PLAGL1: variants seen among roughly 807,000 people sequenced by gnomAD.
PLAGL1 encodes PLAG1 like zinc finger 1, also known as zinc finger protein PLAGL1.
A neutral mutation model predicts 4.6 loss-of-function variants in PLAGL1; 1 was observed. The observed-to-expected ratio is 0.22, with a 90% CI of 0.08 to 1.03. The LOEUF is 1.03. PLAGL1 is among the 50% of genes least tolerant of loss of function. The pLI, the probability that PLAGL1 is intolerant of heterozygous loss-of-function variation, is 0.58. For synonymous variants in PLAGL1, 240 were observed against 237.8 expected, an observed-to-expected ratio of 1.01 and a Z score of -0.08; for missense variants, 464 against 570.4, an observed-to-expected ratio of 0.81 and a Z score of 1.90.
chr6:143,949,085 A>G lies in PLAGL1; in HGVS notation c.-324-625T>C, dbSNP rs1780455308. On this transcript the variant is annotated intron_variant, in intron 6 of 7. Coordinates refer to ENST00000674357, the MANE Select transcript of PLAGL1 (RefSeq NM_001317162.2). This position sits in a 1 kb window ranked among gnomAD's most constrained non-coding sequence, Gnocchi z 5.3. ...GCACAAAGCTGATAGCTCAGGAACC[A>G]GCCCAGGCCACGTTCAGATTTGTAG... Among the ~76,000 whole-genome samples the G allele has an allele frequency of 6.6e-6, 1 of 152,250 alleles. No homozygotes were observed. The highest frequency in any genetic ancestry group is 6.5e-5 in the Admixed American group (1 of 15,288).
At chr6:144,052,200 T>C (rs1036540623) in intron 1 of PLAGL1, among the ~76,000 whole-genome samples, 4 of 152,180 alleles carry the variant, frequency 2.6e-5, no homozygotes, top group African/African-American at 9.7e-5. Flanking sequence ...ACAGATAGTA[T>C]ATATGTCCTT....
rs1045540946 is a variant in PLAGL1, at chr6:144,056,444, A to G, written c.-151+8024T>C. On this transcript the variant is annotated intron_variant, in intron 1 of 3. Transcript: ENST00000437412. This position sits in a 1 kb window ranked among gnomAD's most constrained non-coding sequence, Gnocchi z 4.7. ...TATCTACTAATATAGTGCCATACAG[A>G]GTAGTGTCACTGCTCTAAACAAAAC... 7.9e-5 allele frequency among the ~76,000 whole-genome samples: 12 copies of G among 152,194 alleles called. No individual in the cohort carries two copies. The highest frequency in any genetic ancestry group is 5.2e-4 in the Admixed American group (8 of 15,290).
At chr6:144,023,159 T>C (rs1796092346) in intron 1 of PLAGL1, among the ~76,000 whole-genome samples, 1 of 152,180 alleles carries the variant, frequency 6.6e-6, no homozygotes, top group Non-Finnish European at 1.5e-5. Flanking sequence ...TATGATTCCA[T>C]TCACATAATA....
chr6:144,006,842 T>C lies in PLAGL1; in HGVS notation c.-584+1248A>G, dbSNP rs866754280. 2 of 152,174 alleles carry C rather than the reference T, an allele frequency of 1.3e-5. No homozygotes were observed. Among genetic ancestry groups the C allele is most frequent in the African/African-American group, 2.4e-5 (1 of 41,432 alleles). The allele number at this position is 152,174 out of a possible 1,614,324, so 9.4% of individuals were successfully genotyped here. On this transcript the variant is annotated intron_variant, in intron 1 of 7. Coordinates refer to ENST00000674357, the MANE Select transcript of PLAGL1 (RefSeq NM_001317162.2). The surrounding 1 kb of genome is among the most constrained non-coding windows in gnomAD (Gnocchi z 4.3). ...TCATACTAAGGAATGACGTTTTACA[T>C]CATGACACACATTTGTGTATGTATG...
rs1280449415 is a variant in PLAGL1 at position 144,004,732 on chromosome 6, CAT to C, written c.-584+3356_-584+3357del. The stretch of plus-strand genomic sequence containing the variant: ...GTACATAAATTATAGAACTAAAAAA[CAT>C]ATGTAGAATTCAACATGGATAAAAA... On this transcript the variant is annotated intron_variant, in intron 1 of 7. Transcript: ENST00000674357. This position sits in a 1 kb window ranked among gnomAD's most constrained non-coding sequence, Gnocchi z 4.2. Among the ~76,000 whole-genome samples the C allele has an allele frequency of 1.3e-5, 2 of 151,922 alleles. No homozygotes were observed. Among genetic ancestry groups the C allele is most frequent in the East Asian group, 1.9e-4 (1 of 5,194 alleles).
rs1797047381 is a variant in PLAGL1 at position 144,034,217 on chromosome 6, G to A, written c.-151+30251C>T. Among the ~76,000 whole-genome samples, 1 of 152,098 alleles carries A rather than the reference G, an allele frequency of 6.6e-6. No individual in the cohort carries two copies. The highest frequency in any genetic ancestry group is 2.4e-5 in the African/African-American group (1 of 41,410). On this transcript the variant is annotated intron_variant, in intron 1 of 3. Coordinates refer to the PLAGL1 transcript ENST00000437412. The surrounding 1 kb of genome is among the most constrained non-coding windows in gnomAD (Gnocchi z 4.7). ...TTAGCGAACCCCAGCCTCCCTCCTGGGGTGCCTCATTCCAGGGCTCTTCCA... is the reference window on the plus strand; with the variant it reads ...TTAGCGAACCCCAGCCTCCCTCCTGAGGTGCCTCATTCCAGGGCTCTTCCA...
At chr6:143,951,347 A>ACACATT (rs1781040372) in intron 6 of PLAGL1, among the ~76,000 whole-genome samples, 1 of 152,194 alleles carries the variant, frequency 6.6e-6, no homozygotes, top group Non-Finnish European at 1.5e-5. Flanking sequence ...TGGGAAAGAG[A>ACACATT]CACATTCTCT....
In PLAGL1 at chr6:144,027,036, A is replaced by AC. The variant is rs1796389186; in HGVS notation, c.-151+37431dup. On this transcript the variant is annotated intron_variant, in intron 1 of 3. Transcript: ENST00000437412. The surrounding 1 kb of genome is among the most constrained non-coding windows in gnomAD (Gnocchi z 5.8). ...AGACCAGTGTGGGTAAAAAAGTAAG[A>AC]CCCCACCCCCCGACTCTACAAAAAC... Among the ~76,000 whole-genome samples the AC allele has an allele frequency of 6.6e-6, 1 of 151,132 alleles. No homozygotes were observed. The highest frequency in any genetic ancestry group is 2.1e-4 in the South Asian group (1 of 4,784).
intron 1 of PLAGL1, among the ~76,000 whole-genome samples, chr6:144,025,320 A>C (rs1443605873): frequency 6.6e-6 from 1 of 152,230 alleles, no homozygotes; most frequent in Non-Finnish European, 1.5e-5. Flanking sequence ...CACAGCCAAG[A>C]AGTCCCTAAG....
intron 1 of PLAGL1, among the ~76,000 whole-genome samples, chr6:144,032,834 T>C (rs547802590): frequency 6.6e-6 from 1 of 152,338 alleles, no homozygotes; most frequent in East Asian, 1.9e-4. Flanking sequence ...TGAACCACCA[T>C]GCCCAGCCTA....
At chr6:143,951,724 T>A (rs943231109) in intron 6 of PLAGL1, among the ~76,000 whole-genome samples, 1 of 152,204 alleles carries the variant, frequency 6.6e-6, no homozygotes, top group African/African-American at 2.4e-5. Flanking sequence ...GTGAGGCACA[T>A]TTCCTCCAAC....
At chr6:144,023,572 T>A (rs1049512267) in intron 1 of PLAGL1, among the ~76,000 whole-genome samples, 1 of 152,126 alleles carries the variant, frequency 6.6e-6, no homozygotes, top group Admixed American at 6.5e-5. Flanking sequence ...TAAAGTTGTT[T>A]CCCGTGGGGG....
upstream of PLAGL1, among the ~76,000 whole-genome samples, chr6:144,012,829 A>C (rs764308786): frequency 5.9e-5 from 9 of 152,210 alleles, no homozygotes; most frequent in Non-Finnish European, 1.2e-4. This position sits in a 1 kb window ranked among gnomAD's most constrained non-coding sequence, Gnocchi z 4.8. Flanking sequence ...AGTTTAAAAC[A>C]GTGAGGAACA....
upstream of PLAGL1, among the ~76,000 whole-genome samples, chr6:144,013,112 C>G (rs1488972313): frequency 6.6e-6 from 1 of 152,190 alleles, no homozygotes; most frequent in Non-Finnish European, 1.5e-5. The surrounding 1 kb of genome is among the most constrained non-coding windows in gnomAD (Gnocchi z 4.4). Context: ...ATTCCATAAT[C>G]ACACTTTTTC....
rs752981981 is a variant in PLAGL1, at chr6:143,978,025, T to C, written c.-544+7110A>G. Among the ~76,000 whole-genome samples, 2 of 152,230 alleles carry C rather than the reference T, an allele frequency of 1.3e-5. No homozygotes were observed. The highest frequency in any genetic ancestry group is 2.9e-5 in the Non-Finnish European group (2 of 68,042). ...TATTTTATCCATGGGATTAGCAGAA[T>C]AACACCTCTTTCATTCCTAATATTG... is the stretch of plus-strand genomic sequence containing the variant. On this transcript the variant is annotated intron_variant, in intron 2 of 7. Coordinates refer to ENST00000674357, the MANE Select transcript of PLAGL1 (RefSeq NM_001317162.2). The surrounding 1 kb of genome is among the most constrained non-coding windows in gnomAD (Gnocchi z 4.6).
rs1170369211 is a variant in PLAGL1, at chr6:143,952,079, C to A, written c.-324-3619G>T. Among the ~76,000 whole-genome samples, 1 of 152,224 alleles carries A rather than the reference C, an allele frequency of 6.6e-6. No homozygotes were observed. Among genetic ancestry groups the A allele is most frequent in the Non-Finnish European group, 1.5e-5 (1 of 68,008 alleles). On this transcript the variant is annotated intron_variant, in intron 6 of 7. Transcript: ENST00000674357. The surrounding 1 kb of genome is among the most constrained non-coding windows in gnomAD (Gnocchi z 6.1). ...CCAACAGACTATAAACGCTTTGTGG[C>A]TGAGGGTCAAAGCTTAGCTATTAAA...
chr6:144,052,630 T>G (rs1352471186), intron 1 of PLAGL1, among the ~76,000 whole-genome samples: 1 of 152,210 alleles, frequency 6.6e-6, no homozygotes, highest in Non-Finnish European at 1.5e-5. Flanking sequence ...AAATGCTTGA[T>G]TTTTAAAAAT....
Position 143,950,854 on chromosome 6 carries a change from G to A in PLAGL1, c.-324-2394C>T, listed in dbSNP as rs140678077. The stretch of plus-strand genomic sequence containing the variant: ...GTGATGGCTACTGAGCACTCAAAAT[G>A]TGCCTCTGAGAAACTGAAACTTTTA... On this transcript the variant is annotated intron_variant, in intron 6 of 7. Coordinates refer to ENST00000674357, the MANE Select transcript of PLAGL1 (RefSeq NM_001317162.2). This position sits in a 1 kb window ranked among gnomAD's most constrained non-coding sequence, Gnocchi z 6.3. Among the ~76,000 whole-genome samples the A allele has an allele frequency of 1.6e-4, 24 of 152,324 alleles. No homozygotes were observed. Among genetic ancestry groups the A allele is most frequent in the African/African-American group, 5.3e-4 (22 of 41,572 alleles).
chr6:144,017,183 A>C (rs970575484), intron 1 of PLAGL1, among the ~76,000 whole-genome samples: 84 of 152,224 alleles, frequency 5.5e-4, no homozygotes, highest in Non-Finnish European at 8.8e-4. Context: ...ACCCTTAAAA[A>C]CCTGTATACA....
Sources: gnomAD v4.1 joint callset for allele counts (sites outside exome capture counted in the v4.1 genomes callset) on GRCh38, gnomAD v4.1.1 for gene constraint, Gnocchi (gnomAD v3.1) non-coding constraint, MANE v1.5 for transcripts, NCBI Gene and HGNC (gene_info 2026-07-23, HGNC 2026-07-21) for gene names.